Variants in AGBL4 observed in about 807,000 individuals in gnomAD.
AGBL4 encodes AGBL carboxypeptidase 4, also known as cytosolic carboxypeptidase 6.
A neutral mutation model predicts 66.4 loss-of-function variants in AGBL4; 58 were observed. That is an observed-to-expected ratio of 0.87 (90% CI 0.71 to 1.09). AGBL4 has a LOEUF of 1.09. Ranked by LOEUF, AGBL4 falls within the 50% of genes least tolerant of loss-of-function variation. The probability of loss-of-function intolerance (pLI) is 0.00; values close to 1 mark genes in which losing one functional copy is unlikely to be tolerated. For missense variants in AGBL4, 579 were observed against 631.0 expected, an observed-to-expected ratio of 0.92 and a Z score of 0.88; for synonymous variants, 234 against 222.9, an observed-to-expected ratio of 1.05 and a Z score of -0.44.
At position 49,283,800 on chromosome 1, in the gene AGBL4, G is replaced by A. The variant is rs531693348; in HGVS notation, c.283-37936C>T. On this transcript the variant is annotated intron_variant, in intron 3 of 13. Coordinates refer to ENST00000371839, the MANE Select transcript of AGBL4 (RefSeq NM_032785.4). ...GAAGATGAAATGAATGAAATGAAGC[G>A]AGAAGGGAAGTTTAGAGAAAAAAGA... Among the ~76,000 whole-genome samples the A allele has an allele frequency of 6.1e-3, 894 of 147,194 alleles. 9 individuals are homozygous for A. Among genetic ancestry groups the A allele is most frequent in the African/African-American group, 0.02 (809 of 39,556 alleles).
intron 12 of AGBL4, among the ~76,000 whole-genome samples, chr1:48,538,200 G>C (rs1318165972): frequency 6.6e-6 from 1 of 152,136 alleles, no homozygotes; most frequent in East Asian, 1.9e-4. Context: ...TAGCATTGTG[G>C]AACATAGGCC....
At chr1:49,280,996 T>C (rs1197302766) in intron 3 of AGBL4, among the ~76,000 whole-genome samples, 1 of 152,220 alleles carries the variant, frequency 6.6e-6, no homozygotes, top group Non-Finnish European at 1.5e-5. Context: ...AAGTTATTAT[T>C]ACCGTATATA....
At chr1:49,818,329 T>A (rs891769457) in intron 2 of AGBL4, among the ~76,000 whole-genome samples, 3 of 151,578 alleles carry the variant, frequency 2.0e-5, no homozygotes, top group African/African-American at 7.3e-5. Context: ...TCATATGGGT[T>A]TTTTTTAGTT....
chr1:49,612,588 C>T (rs1356481055), intron 3 of AGBL4, among the ~76,000 whole-genome samples: 10 of 152,026 alleles, frequency 6.6e-5, no homozygotes, highest in East Asian at 3.9e-4. Context: ...AGATACTTTT[C>T]GAAAGAATAC....
chr1:48,594,540 G>A (rs1644967593), intron 9 of AGBL4, among the ~76,000 whole-genome samples: 1 of 152,018 alleles, frequency 6.6e-6, no homozygotes, highest in African/African-American at 2.4e-5. Flanking sequence ...TTCTGTTCAT[G>A]TATTTTTCAT....
At chr1:49,288,592 A>G (rs1009595793) in intron 3 of AGBL4, among the ~76,000 whole-genome samples, 4 of 152,166 alleles carry the variant, frequency 2.6e-5, no homozygotes, top group Non-Finnish European at 5.9e-5. Context: ...ATACATGGTG[A>G]AATGCTAATA....
intron 1 of AGBL4, among the ~76,000 whole-genome samples, chr1:50,009,808 G>A (rs72905787): frequency 0.032 from 4,928 of 151,986 alleles, 269 homozygotes; most frequent in African/African-American, 0.11. Flanking sequence ...AAGTTGCAGG[G>A]TACAAAATCC....
chr1:49,544,625 C>A (rs1197579166), intron 3 of AGBL4, among the ~76,000 whole-genome samples: 3 of 152,166 alleles, frequency 2.0e-5, no homozygotes, highest in African/African-American at 7.2e-5. Flanking sequence ...TTTTAAGGTA[C>A]TTTTTATGTG....
At chr1:49,098,386 A>G (rs945240882) in intron 4 of AGBL4, among the ~76,000 whole-genome samples, 3 of 152,212 alleles carry the variant, frequency 2.0e-5, no homozygotes, top group Admixed American at 2.0e-4. Flanking sequence ...GACCCAATAT[A>G]GCACTGAGAA....
intron 5 of AGBL4, among the ~76,000 whole-genome samples, chr1:48,954,698 C>G (rs1465759899): frequency 6.6e-6 from 1 of 152,152 alleles, no homozygotes; most frequent in Non-Finnish European, 1.5e-5. Context: ...TAAACTTGAG[C>G]TGTGCCTCAA....
At chr1:48,918,619 T>C (rs983733155) in intron 5 of AGBL4, among the ~76,000 whole-genome samples, 1 of 152,144 alleles carries the variant, frequency 6.6e-6, no homozygotes, top group African/African-American at 2.4e-5. Context: ...CATGTTGGGA[T>C]ACAACAAGAA....
At chr1:49,064,357 G>T (rs181068873) in intron 4 of AGBL4, among the ~76,000 whole-genome samples, 71 of 152,274 alleles carry the variant, frequency 4.7e-4, no homozygotes. Context: ...CAAAGCACAT[G>T]CACTATCTAG....
chr1:49,563,318 T>A (rs1181377929), intron 3 of AGBL4, among the ~76,000 whole-genome samples: 1 of 152,148 alleles, frequency 6.6e-6, no homozygotes, highest in African/African-American at 2.4e-5. Context: ...CCTGCCTGAT[T>A]GTCCTGGCCA....
chr1:49,539,628 C>T (rs1425224509), intron 3 of AGBL4, among the ~76,000 whole-genome samples: 1 of 152,206 alleles, frequency 6.6e-6, no homozygotes, highest in Admixed American at 6.5e-5. Flanking sequence ...TAAACCCTCA[C>T]TGGCATAATC....
At chr1:48,646,633 C>T (rs538619075) in intron 8 of AGBL4, among the ~76,000 whole-genome samples, 6 of 151,626 alleles carry the variant, frequency 4.0e-5, no homozygotes, top group Admixed American at 1.3e-4. Context: ...ATCTCTACCT[C>T]CTTTTTATGT....
intron 3 of AGBL4, among the ~76,000 whole-genome samples, chr1:49,507,268 T>G (rs1236460767): frequency 2.0e-5 from 3 of 151,910 alleles, no homozygotes; most frequent in Admixed American, 6.6e-5. Flanking sequence ...GCCATATGGG[T>G]GAACCATATT....
intron 3 of AGBL4, among the ~76,000 whole-genome samples, chr1:49,385,133 C>T (rs1443357295): frequency 6.6e-6 from 1 of 151,988 alleles, no homozygotes; most frequent in Non-Finnish European, 1.5e-5. Flanking sequence ...AAATATATTG[C>T]CAGGAACTGG....
At chr1:49,133,340 A>G (rs1350578032) in intron 4 of AGBL4, among the ~76,000 whole-genome samples, 1 of 152,170 alleles carries the variant, frequency 6.6e-6, no homozygotes, top group Non-Finnish European at 1.5e-5. Flanking sequence ...ACCATGGCAC[A>G]TGTATACCTA....
chr1:48,566,604 G>A (rs1001649899), intron 11 of AGBL4, among the ~76,000 whole-genome samples: 3 of 152,222 alleles, frequency 2.0e-5, no homozygotes, highest in Non-Finnish European at 4.4e-5. Context: ...GGATGTTTCT[G>A]TGAGGGTGCT....
Sources: gnomAD v4.1 joint callset for allele counts (sites outside exome capture counted in the v4.1 genomes callset) on GRCh38, gnomAD v4.1.1 for gene constraint, MANE v1.5 for transcripts, NCBI Gene and HGNC (gene_info 2026-07-23, HGNC 2026-07-21) for gene names.